Variants in DNAH3 observed in about 807,000 individuals in gnomAD.
DNAH3 encodes the protein dynein axonemal heavy chain 3.
Under a neutral mutation model 432.5 loss-of-function variants are expected in DNAH3, and 332 were observed. The ratio of observed to expected loss-of-function variants is 0.77; its 90% CI spans 0.70 to 0.84. DNAH3 has a LOEUF of 0.84. DNAH3 is among the 40% of genes least tolerant of loss of function. The probability of loss-of-function intolerance (pLI) is 0.00; values close to 1 mark genes in which losing one functional copy is unlikely to be tolerated. For missense variants in DNAH3, 4,861 were observed against 5,114.0 expected, an observed-to-expected ratio of 0.95 and a Z score of 1.51; for synonymous variants, 1,956 against 1,900.2, an observed-to-expected ratio of 1.03 and a Z score of -0.76.
chr16:21,002,811 G>T (rs1273707759), intron 42 of DNAH3, among the ~76,000 whole-genome samples: 1 of 152,068 alleles, frequency 6.6e-6, no homozygotes, highest in Non-Finnish European at 1.5e-5. Context: ...AACAAACACT[G>T]ATGTAGCCCC....
intron 51 of DNAH3, among the ~76,000 whole-genome samples, chr16:20,972,712 C>A (rs1043143536): frequency 4.0e-5 from 6 of 151,402 alleles, no homozygotes; most frequent in Admixed American, 4.0e-4. Flanking sequence ...ATCAAAAAGG[C>A]CTGCCCTTCT....
At chr16:20,988,019 C>T (rs963584786) in exon 45 of DNAH3, 3 of 1,614,048 alleles carry the variant, frequency 1.9e-6, no homozygotes, top group African/African-American at 1.3e-5. Context: ...AAATGTCATC[C>T]TCAAAGGCAT....
At chr16:21,145,429 T>C in intron 2 of DNAH3, 23 bp from the exon 4 acceptor site, 1 of 1,584,412 alleles carries the variant, frequency 6.3e-7, no homozygotes, top group Non-Finnish European at 8.7e-7. Context: ...AAGTGCAGAG[T>C]GAGACACAAT....
chr16:20,991,366 A>C (rs1253975057), intron 44 of DNAH3, among the ~76,000 whole-genome samples: 1 of 152,016 alleles, frequency 6.6e-6, no homozygotes, highest in Non-Finnish European at 1.5e-5. Context: ...CCCAGGTTCA[A>C]GTGATTCTCC....
intron 57 of DNAH3, among the ~76,000 whole-genome samples, chr16:20,947,605 C>T (rs529592584): frequency 6.6e-6 from 1 of 152,244 alleles, no homozygotes; most frequent in Admixed American, 6.5e-5. Context: ...AGAGGACACC[C>T]AGTTGGTGTC....
At position 21,069,414 on chromosome 16, in the gene DNAH3, C is replaced by T. The variant is rs912761500; in HGVS notation, c.3381+1G>A. On this transcript the variant is annotated splice_donor_variant, in intron 23 of 61. Transcript: ENST00000261383. LOFTEE classifies it high-confidence loss of function. ...AGAGTTATTAGGGTATAAAAACTTACCGCTTGGGACATAAGTGATTTCCAG... is the reference window on the plus strand; with the variant it reads ...AGAGTTATTAGGGTATAAAAACTTATCGCTTGGGACATAAGTGATTTCCAG... The T allele has an allele frequency of 4.3e-6, 7 of 1,612,964 alleles. No homozygotes were observed. Among genetic ancestry groups the T allele is most frequent in the Non-Finnish European group, 5.9e-6 (7 of 1,179,616 alleles).
In DNAH3 at chr16:21,140,531, C is replaced by T. The variant is rs754177499; in HGVS notation, c.696+5G>A. The stretch of plus-strand genomic sequence containing the variant: ...ACCGAGGGAAAGGGGGCAACAGGAA[C>T]GTACCTCCAGGTCCGATTCAGATGG... On this transcript the variant is annotated splice_donor_5th_base_variant and intron_variant, in intron 5 of 61. Coordinates refer to ENST00000261383, the Ensembl canonical transcript of DNAH3. The T allele has an allele frequency of 3.7e-6, 6 of 1,612,586 alleles. No individual in the cohort carries two copies. The highest frequency in any genetic ancestry group is 1.3e-5 in the African/African-American group (1 of 74,900).
rs767946256 is a variant in DNAH3, at chr16:20,987,824, T to C, written c.6751A>G (p.Thr2251Ala). ...ACTGCATCTCTATAAATTGTCTTAG[T>C]AGCTTGGACCAGCATCTTTCCGTAC... Residue 2251 changes from threonine (T) to alanine (A), a missense_variant, in exon 46 of 62, where the codon ACT (threonine) becomes GCT (alanine). By Grantham distance (58) the Thr-to-Ala change is moderately conservative. Coordinates refer to ENST00000261383, the Ensembl canonical transcript of DNAH3. 1.2e-6 allele frequency: 2 copies of C among 1,614,152 alleles called. No homozygotes were observed. Among genetic ancestry groups the C allele is most frequent in the African/African-American group, 1.3e-5 (1 of 75,028 alleles).
At chr16:21,120,132 C>T (rs1441116120) in intron 11 of DNAH3, among the ~76,000 whole-genome samples, 4 of 114,874 alleles carry the variant, frequency 3.5e-5, no homozygotes, top group South Asian at 5.6e-4. Context: ...TTGACAGAGT[C>T]TCACTCTGTT....
At chr16:21,118,431 TTTTA>T (rs151233524) in intron 11 of DNAH3, among the ~76,000 whole-genome samples, 3,417 of 151,912 alleles carry the variant, frequency 0.022, 68 homozygotes, top group South Asian at 0.033. Context: ...TCTAACTTCT[TTTTA>T]TTTATTTATT....
intron 55 of DNAH3, among the ~76,000 whole-genome samples, chr16:20,952,829 G>T (rs1182134457): frequency 2.0e-5 from 3 of 152,170 alleles, no homozygotes. Flanking sequence ...GAATTATTCA[G>T]CCTGGCAGGA....
At chr16:20,963,583 C>A in exon 53 of DNAH3, 1 of 1,613,996 alleles carries the variant, frequency 6.2e-7, no homozygotes, top group Non-Finnish European at 8.5e-7. Flanking sequence ...CTCCATCAGG[C>A]CATGCAGTTT....
intron 19 of DNAH3, among the ~76,000 whole-genome samples, chr16:21,084,492 T>G (rs985830118): frequency 2.6e-5 from 4 of 151,978 alleles, no homozygotes; most frequent in Non-Finnish European, 5.9e-5. Flanking sequence ...CCGGCTAATT[T>G]TTTTGTATTT....
chr16:20,991,884 A>G (rs945735956), intron 44 of DNAH3, among the ~76,000 whole-genome samples: 13 of 152,342 alleles, frequency 8.5e-5, no homozygotes, highest in African/African-American at 3.1e-4. Context: ...ACTGATGCTC[A>G]ATGGCTACAT....
intron 44 of DNAH3, among the ~76,000 whole-genome samples, chr16:20,990,317 C>T (rs1053397379): frequency 2.0e-5 from 3 of 152,160 alleles, no homozygotes; most frequent in African/African-American, 7.2e-5. Flanking sequence ...ATCTATAGAT[C>T]TATGTATCTG....
intron 20 of DNAH3, among the ~76,000 whole-genome samples, chr16:21,077,252 T>A (rs1452861427): frequency 1.3e-5 from 2 of 152,082 alleles, no homozygotes; most frequent in African/African-American, 4.8e-5. Context: ...AACCTCTGCC[T>A]CCCGGATTCA....
chr16:21,131,249 C>A (rs1403813647), intron 7 of DNAH3, among the ~76,000 whole-genome samples: 3 of 151,632 alleles, frequency 2.0e-5, no homozygotes, highest in Admixed American at 6.6e-5. Context: ...AGGAGAGAGC[C>A]CAGGAGTTTG....
At chr16:20,954,714 C>A (rs773261781) in intron 55 of DNAH3, 99 bp downstream of exon 55, 120 of 1,382,346 alleles carry the variant, frequency 8.7e-5, no homozygotes, top group Admixed American at 2.2e-4. Context: ...TTACTGGCAA[C>A]CCTATCTGAG....
exon 14 of DNAH3, chr16:21,111,658 G>A: frequency 6.2e-7 from 1 of 1,613,538 alleles, no homozygotes; most frequent in Non-Finnish European, 8.5e-7. Flanking sequence ...CATCCACTTG[G>A]AATTGAATCA....
Sources: gnomAD v4.1 joint callset for allele counts (sites outside exome capture counted in the v4.1 genomes callset) on GRCh38, gnomAD v4.1.1 for gene constraint, MANE v1.5 for transcripts, NCBI Gene and HGNC (gene_info 2026-07-23, HGNC 2026-07-21) for gene names.